Variants in ARHGEF38 observed in about 807,000 individuals in gnomAD.
ARHGEF38 encodes the protein Rho guanine nucleotide exchange factor 38, also known as Rho guanine nucleotide exchange factor (GEF) 38.
A neutral mutation model predicts 79.9 loss-of-function variants in ARHGEF38; 79 were observed. That is an observed-to-expected ratio of 0.99 (90% CI 0.82 to 1.19). The LOEUF (loss-of-function observed/expected upper bound fraction) is 1.19. Among genes scored for constraint, ARHGEF38 ranks in the 50% most tolerant of loss-of-function variants. The probability of loss-of-function intolerance (pLI) is 0.00; values close to 1 mark genes in which losing one functional copy is unlikely to be tolerated. For synonymous variants in ARHGEF38, 366 were observed against 328.3 expected, an observed-to-expected ratio of 1.11 and a Z score of -1.24; for missense variants, 962 against 907.2, an observed-to-expected ratio of 1.06 and a Z score of -0.78.
intron 4 of ARHGEF38, among the ~76,000 whole-genome samples, chr4:105,633,778 C>A (rs1353848156): frequency 6.6e-6 from 1 of 152,046 alleles, no homozygotes; most frequent in African/African-American, 2.4e-5. Context: ...TCTTGCCTCT[C>A]AGGAACACAA....
At chr4:105,674,965 A>C in intron 13 of ARHGEF38, among the ~76,000 whole-genome samples, 1 of 152,200 alleles carries the variant, frequency 6.6e-6, no homozygotes, top group East Asian at 1.9e-4. Context: ...AAAATTATAA[A>C]AGATGATTAC....
At chr4:105,672,264 G>T (rs1730980984) in intron 13 of ARHGEF38, among the ~76,000 whole-genome samples, 1 of 152,088 alleles carries the variant, frequency 6.6e-6, no homozygotes, top group Non-Finnish European at 1.5e-5. Context: ...ACTTTTAAAA[G>T]AAAATTTTAT....
intron 1 of ARHGEF38, among the ~76,000 whole-genome samples, chr4:105,580,965 A>C (rs957984695): frequency 3.9e-5 from 6 of 152,086 alleles, no homozygotes; most frequent in African/African-American, 1.4e-4. Context: ...ATGAGCCACC[A>C]AGCCGGGACT....
Position 105,659,139 on chromosome 4 carries a change from G to A in ARHGEF38, c.1319G>A (p.Arg440His), listed in dbSNP as rs187252943. The change falls in exon 10 of 14, where the codon CGC becomes CAC. Residue 440 changes from arginine (R) to histidine (H), a missense_variant. Arg to His is a conservative substitution (Grantham distance 29). Coordinates refer to ENST00000420470, the MANE Select transcript of ARHGEF38 (RefSeq NM_001242729.2). ...FPGPHKLIQK[R>H]YDKLLDCNSY... ...GGGCCTCACAAGCTCATCCAGAAAC[G>A]CTATGACAAACTGCTGGATTGCAAC... The A allele has an allele frequency of 5.9e-6, 9 of 1,536,104 alleles. No homozygotes were observed. Among genetic ancestry groups the A allele is most frequent in the Middle Eastern group, 1.7e-4 (1 of 5,990 alleles).
Position 105,613,128 on chromosome 4 carries a change from G to A in ARHGEF38, c.385-256G>A, listed in dbSNP as rs148329298. 6.4e-4 allele frequency among the ~76,000 whole-genome samples: 97 copies of A among 152,008 alleles called. 1 individual carries two copies. In the East Asian group the frequency reaches 0.016, roughly 25 times the overall value. Reference sequence around the variant, plus strand: ...ATTAGGCCCAAATCTTCCCATTCTGGTTCTTATAGGAATATATAGATGTAT... The same window carrying A: ...ATTAGGCCCAAATCTTCCCATTCTGATTCTTATAGGAATATATAGATGTAT... On this transcript the variant is annotated intron_variant, in intron 2 of 13. Coordinates refer to ENST00000420470, the MANE Select transcript of ARHGEF38 (RefSeq NM_001242729.2).
chr4:105,645,709 G>A (rs953169876), intron 6 of ARHGEF38, among the ~76,000 whole-genome samples: 2 of 152,188 alleles, frequency 1.3e-5, no homozygotes, highest in Non-Finnish European at 2.9e-5. Context: ...GATATGTGTG[G>A]TAAGAAAGAG....
chr4:105,619,711 A>C (rs1442660762), intron 3 of ARHGEF38, among the ~76,000 whole-genome samples: 1 of 152,152 alleles, frequency 6.6e-6, no homozygotes, highest in Non-Finnish European at 1.5e-5. Context: ...GGAAATTCTG[A>C]AAAAGGATAG....
chr4:105,577,263 C>A (rs1163841581), intron 1 of ARHGEF38, among the ~76,000 whole-genome samples: 1 of 120,926 alleles, frequency 8.3e-6, no homozygotes, highest in Non-Finnish European at 1.7e-5. Flanking sequence ...CCCCCCACCC[C>A]ACAACAGTCC....
At chr4:105,574,520 C>T (rs982038306) in intron 1 of ARHGEF38, among the ~76,000 whole-genome samples, 11 of 149,350 alleles carry the variant, frequency 7.4e-5, no homozygotes, top group Admixed American at 2.0e-4. Flanking sequence ...ATTGCACTCC[C>T]GCCTGGGTGA....
intron 5 of ARHGEF38, 36 bp from the exon 6 acceptor site, chr4:105,645,152 T>C (rs1358586054): frequency 6.3e-6 from 8 of 1,265,000 alleles, no homozygotes; most frequent in Non-Finnish European, 8.1e-6. Flanking sequence ...ATAAAACATA[T>C]GTTTGTGAAA....
At chr4:105,653,415 C>T (rs13142720) in intron 7 of ARHGEF38, among the ~76,000 whole-genome samples, 4,533 of 151,614 alleles carry the variant, frequency 0.03, 108 homozygotes, top group Middle Eastern at 0.071. Flanking sequence ...CTCCGTCTTC[C>T]GGGTTCAAGC....
At chr4:105,604,368 A>G (rs1727952110) in intron 2 of ARHGEF38, among the ~76,000 whole-genome samples, 1 of 152,182 alleles carries the variant, frequency 6.6e-6, no homozygotes, top group African/African-American at 2.4e-5. Context: ...TTCGTCCGTA[A>G]TTCCTGTGTT....
intron 13 of ARHGEF38, among the ~76,000 whole-genome samples, chr4:105,675,020 G>A (rs1343235125): frequency 6.6e-6 from 1 of 152,110 alleles, no homozygotes; most frequent in Non-Finnish European, 1.5e-5. Context: ...ATGTATTATA[G>A]TACGTTACAT....
At chr4:105,604,285 G>C (rs529003980) in intron 2 of ARHGEF38, among the ~76,000 whole-genome samples, 19 of 152,250 alleles carry the variant, frequency 1.2e-4, no homozygotes, top group Admixed American at 2.6e-4. Context: ...GTGGTCAAGT[G>C]ATTAAATCCT....
intron 1 of ARHGEF38, among the ~76,000 whole-genome samples, chr4:105,574,589 C>A (rs1426567472): frequency 6.7e-6 from 1 of 149,804 alleles, no homozygotes; most frequent in Non-Finnish European, 1.5e-5. Context: ...AGCAGGCATC[C>A]TTGTCTTGTT....
At chr4:105,577,388 A>T (rs550189148) in intron 1 of ARHGEF38, among the ~76,000 whole-genome samples, 1 of 150,752 alleles carries the variant, frequency 6.6e-6, no homozygotes, top group African/African-American at 2.4e-5. Context: ...TTTTTTTATT[A>T]TATCCTTTCC....
intron 1 of ARHGEF38, among the ~76,000 whole-genome samples, chr4:105,575,576 A>C (rs1257077040): frequency 6.6e-6 from 1 of 152,004 alleles, no homozygotes; most frequent in Non-Finnish European, 1.5e-5. Context: ...ACATAGTTTA[A>C]AAGTATTTTC....
At chr4:105,651,284 G>C (rs1014847010) in intron 7 of ARHGEF38, among the ~76,000 whole-genome samples, 1 of 152,212 alleles carries the variant, frequency 6.6e-6, no homozygotes, top group Non-Finnish European at 1.5e-5. Flanking sequence ...CAGAAAATCA[G>C]CTGCATAGGC....
chr4:105,596,995 C>T (rs1342908325), intron 2 of ARHGEF38, among the ~76,000 whole-genome samples: 1 of 152,184 alleles, frequency 6.6e-6, no homozygotes, highest in Non-Finnish European at 1.5e-5. Flanking sequence ...AGATGACCCT[C>T]AGTTCTATCT....
Sources: allele counts gnomAD v4.1 joint callset (sites outside exome capture counted in the v4.1 genomes callset), GRCh38; gene constraint gnomAD v4.1.1; transcripts MANE v1.5; gene names NCBI Gene and HGNC (gene_info 2026-07-23, HGNC 2026-07-21).